EFCAB11: variants seen among roughly 807,000 people sequenced by gnomAD.
The protein encoded by EFCAB11 is EF-hand calcium-binding domain-containing protein 11.
A neutral mutation model predicts 23.0 loss-of-function variants in EFCAB11; 14 were observed. The ratio of observed to expected loss-of-function variants is 0.61; its 90% CI spans 0.40 to 0.95. The LOEUF (loss-of-function observed/expected upper bound fraction) is 0.95. Among genes scored for constraint, EFCAB11 ranks in the 40% least tolerant of loss-of-function variants. The pLI, the probability that EFCAB11 is intolerant of heterozygous loss-of-function variation, is 0.00. For missense variants in EFCAB11, 198 were observed against 195.8 expected, an observed-to-expected ratio of 1.01 and a Z score of -0.07; for synonymous variants, 65 against 66.6, an observed-to-expected ratio of 0.98 and a Z score of 0.11.
At chr14:89,821,988 A>G (rs1436792194) in intron 5 of EFCAB11, among the ~76,000 whole-genome samples, 1 of 152,240 alleles carries the variant, frequency 6.6e-6, no homozygotes, top group Non-Finnish European at 1.5e-5. Flanking sequence ...TAAACATTAC[A>G]CATGACATTT....
intron 5 of EFCAB11, among the ~76,000 whole-genome samples, chr14:89,818,395 A>G (rs8013403): frequency 0.27 from 40,716 of 151,756 alleles, 6,282 homozygotes; most frequent in East Asian, 0.57. Flanking sequence ...AAGACAGACA[A>G]CAAGTAAGTA....
rs1003011413 is a variant in EFCAB11 at position 89,954,300 on chromosome 14, G to A, written c.75+286C>T. 8.0e-6 allele frequency: 12 copies of A among 1,507,880 alleles called. No individual in the cohort carries two copies. The African/African-American group carries it at 1.2e-4, about 16-fold the overall frequency. 93.4% of individuals were successfully genotyped at this position (1,507,880 alleles called of 1,614,324 possible). On this transcript the variant is annotated intron_variant, in intron 1 of 5. Coordinates refer to ENST00000316738, the MANE Select transcript of EFCAB11 (RefSeq NM_145231.4). Reference sequence around the variant, plus strand: ...CAAAATTCAGTCCTGGAGTTAGGAAGGTGAGGCAAAGGGGCTGGCTTTGAA... The same window carrying A: ...CAAAATTCAGTCCTGGAGTTAGGAAAGTGAGGCAAAGGGGCTGGCTTTGAA...
chr14:89,830,471 T>G (rs986741596), intron 5 of EFCAB11: 1 of 152,246 alleles, frequency 6.6e-6, no homozygotes, highest in South Asian at 2.1e-4. Flanking sequence ...ATTTCATTTT[T>G]CTAGTAATTC....
At chr14:89,953,475 G>A (rs897563882) in intron 2 of EFCAB11, among the ~76,000 whole-genome samples, 1 of 152,176 alleles carries the variant, frequency 6.6e-6, no homozygotes, top group East Asian at 1.9e-4. Context: ...TCTGGTAGGC[G>A]GCGAGCGGAT....
At chr14:89,883,778 C>T (rs1888670642) in intron 5 of EFCAB11, among the ~76,000 whole-genome samples, 1 of 152,164 alleles carries the variant, frequency 6.6e-6, no homozygotes, top group South Asian at 2.1e-4. Flanking sequence ...AATTATTCTT[C>T]CCAAGTACCT....
intron 5 of EFCAB11, among the ~76,000 whole-genome samples, chr14:89,858,934 C>A (rs559732832): frequency 6.6e-6 from 1 of 152,090 alleles, no homozygotes; most frequent in African/African-American, 2.4e-5. Flanking sequence ...TTATTCAGCA[C>A]GTCACATCCC....
At chr14:89,809,574 CAA>C (rs1886083870) in intron 5 of EFCAB11, among the ~76,000 whole-genome samples, 1 of 152,142 alleles carries the variant, frequency 6.6e-6, no homozygotes, top group Admixed American at 6.5e-5. Context: ...AGTAACAACT[CAA>C]AGAGGCTATT....
At chr14:89,941,440 C>T (rs1285164494) in intron 3 of EFCAB11, among the ~76,000 whole-genome samples, 1 of 152,118 alleles carries the variant, frequency 6.6e-6, no homozygotes, top group African/African-American at 2.4e-5. Context: ...AAAGGAAGGG[C>T]TCATCAATTG....
chr14:89,938,885 G>A (rs1025332110), intron 3 of EFCAB11, among the ~76,000 whole-genome samples: 2 of 149,654 alleles, frequency 1.3e-5, no homozygotes, highest in African/African-American at 4.9e-5. Context: ...GTTGCAGTGA[G>A]CCAAGACCGC....
intron 5 of EFCAB11, among the ~76,000 whole-genome samples, chr14:89,798,648 T>C (rs1268435035): frequency 6.6e-6 from 1 of 152,158 alleles, no homozygotes; most frequent in Non-Finnish European, 1.5e-5. Context: ...CCTAGAAAAA[T>C]AATGTTTAGA....
intron 5 of EFCAB11, among the ~76,000 whole-genome samples, chr14:89,882,143 T>C (rs1447183970): frequency 2.6e-5 from 4 of 152,220 alleles, no homozygotes; most frequent in South Asian, 4.1e-4. Flanking sequence ...CTTACAATCA[T>C]GCATTGCCTG....
chr14:89,804,067 G>T (rs1347551053), intron 5 of EFCAB11, among the ~76,000 whole-genome samples: 1 of 152,218 alleles, frequency 6.6e-6, no homozygotes, highest in Non-Finnish European at 1.5e-5. Flanking sequence ...CCCACGCTAT[G>T]CAACCTCCTT....
chr14:89,860,100 A>G (rs1192112627), intron 5 of EFCAB11, among the ~76,000 whole-genome samples: 1 of 152,158 alleles, frequency 6.6e-6, no homozygotes, highest in Non-Finnish European at 1.5e-5. Context: ...GCAGTGGCTC[A>G]TGCCTGTAAT....
Position 89,837,039 on chromosome 14 carries a change from A to C in EFCAB11, c.411-39715T>G, listed in dbSNP as rs8020323. ...ACTTGCCTGAGAATCTGCACAGGTG[A>C]GGGGTGTGCCTGAATGATGGAGTCA... On this transcript the variant is annotated intron_variant, in intron 5 of 5. Coordinates refer to ENST00000316738, the MANE Select transcript of EFCAB11 (RefSeq NM_145231.4). 1.2e-4 allele frequency: 54 copies of C among 456,166 alleles called. No homozygotes were observed. The East Asian group carries it at 1.7e-3, about 14-fold the overall frequency. The allele number at this position is 456,166 out of a possible 1,614,324, so 28.3% of individuals were successfully genotyped here.
chr14:89,851,925 G>A (rs1887612259), intron 5 of EFCAB11, among the ~76,000 whole-genome samples: 2 of 152,208 alleles, frequency 1.3e-5, no homozygotes, highest in Non-Finnish European at 2.9e-5. Flanking sequence ...ATGATCTCTA[G>A]TACAAAAGTG....
At chr14:89,894,362 T>C (rs1291646724) in intron 5 of EFCAB11, among the ~76,000 whole-genome samples, 1 of 152,104 alleles carries the variant, frequency 6.6e-6, no homozygotes, top group African/African-American at 2.4e-5. Context: ...ACCTGTCATC[T>C]AGGTTTTAAG....
chr14:89,879,742 A>G (rs1473226371), intron 5 of EFCAB11, among the ~76,000 whole-genome samples: 1 of 152,164 alleles, frequency 6.6e-6, no homozygotes, highest in Non-Finnish European at 1.5e-5. Flanking sequence ...CATGGAGACA[A>G]TAATTTTTAA....
At chr14:89,939,348 C>T (rs543141933) in intron 3 of EFCAB11, among the ~76,000 whole-genome samples, 2 of 152,074 alleles carry the variant, frequency 1.3e-5, no homozygotes, top group African/African-American at 4.8e-5. Flanking sequence ...AGCATGATAG[C>T]TGATATATTT....
At chr14:89,829,472 A>T (rs753146423) in intron 5 of EFCAB11, among the ~76,000 whole-genome samples, 4 of 152,224 alleles carry the variant, frequency 2.6e-5, no homozygotes, top group Non-Finnish European at 5.9e-5. Context: ...TGTTTGAGAA[A>T]GTTTGAACTA....
Sources: gnomAD v4.1 joint callset for allele counts (sites outside exome capture counted in the v4.1 genomes callset) on GRCh38, gnomAD v4.1.1 for gene constraint, MANE v1.5 for transcripts, NCBI Gene and HGNC (gene_info 2026-07-23, HGNC 2026-07-21) for gene names.